ROBO2: variants seen among roughly 807,000 people sequenced by gnomAD.
The protein encoded by ROBO2 is roundabout guidance receptor 2.
In ROBO2, 53 loss-of-function variants were observed where a neutral mutation model predicts 160.8. The observed-to-expected ratio is 0.33, with a 90% CI of 0.26 to 0.41. The LOEUF is 0.41. Ranked by LOEUF, ROBO2 falls within the 10% of genes least tolerant of loss-of-function variation. The pLI, the probability that ROBO2 is intolerant of heterozygous loss-of-function variation, is 1.00. For synonymous variants in ROBO2, 664 were observed against 611.7 expected, an observed-to-expected ratio of 1.09 and a Z score of -1.26; for missense variants, 1,577 against 1,722.4, an observed-to-expected ratio of 0.92 and a Z score of 1.49.
chr3:76,132,995 G>A (rs1015685691), intron 2 of ROBO2, among the ~76,000 whole-genome samples: 6 of 151,984 alleles, frequency 3.9e-5, no homozygotes, highest in Non-Finnish European at 7.4e-5. Context: ...GGCTGCAAAC[G>A]GTCTTGACTC....
In ROBO2 at chr3:77,102,436, C is replaced by T. The variant is rs557232794; in HGVS notation, c.388+4096C>T. ...ATGTCTCCAGACATTGGAAATATTC[C>T]TCAGGAGAGAAAGTCAGTTGAGAAC... On this transcript the variant is annotated intron_variant, in intron 2 of 25. Coordinates refer to ENST00000461745, the Ensembl canonical transcript of ROBO2. Among the ~76,000 whole-genome samples, 134 of 152,254 alleles carry T rather than the reference C, an allele frequency of 8.8e-4. 1 individual carries two copies. The highest frequency in any genetic ancestry group is 2.9e-3 in the African/African-American group (121 of 41,542).
chr3:76,057,142 C>T (rs2067876119), intron 2 of ROBO2, among the ~76,000 whole-genome samples: 1 of 152,132 alleles, frequency 6.6e-6, no homozygotes, highest in African/African-American at 2.4e-5. Flanking sequence ...ACTGTTATCT[C>T]TCACCTTCTA....
chr3:77,514,646 C>T (rs908596950), intron 5 of ROBO2, among the ~76,000 whole-genome samples: 1 of 151,544 alleles, frequency 6.6e-6, no homozygotes, highest in Non-Finnish European at 1.5e-5. Flanking sequence ...TATGTAAAGC[C>T]CTGTTGTACA....
At chr3:76,802,603 C>A (rs1040558148) in intron 2 of ROBO2, among the ~76,000 whole-genome samples, 5 of 151,934 alleles carry the variant, frequency 3.3e-5, no homozygotes, top group African/African-American at 1.2e-4. Context: ...GTGGCGGCAC[C>A]TGTAGTCCCA....
intron 2 of ROBO2, among the ~76,000 whole-genome samples, chr3:76,736,464 T>A (rs1488802408): frequency 6.6e-6 from 1 of 152,140 alleles, no homozygotes; most frequent in Non-Finnish European, 1.5e-5. Context: ...ACATTTGAAA[T>A]GACTTCTTCA....
At chr3:77,646,152 T>C in exon 26 of ROBO2, 3 of 826,966 alleles carry the variant, frequency 3.6e-6, no homozygotes, top group Non-Finnish European at 5.7e-6. Flanking sequence ...AATTTATTTA[T>C]GTACTATTAA....
chr3:76,406,798 T>C (rs2075212120), intron 2 of ROBO2, among the ~76,000 whole-genome samples: 1 of 151,942 alleles, frequency 6.6e-6, no homozygotes. Context: ...GTAGGTCCAG[T>C]CTATTTAGAC....
At chr3:76,785,359 T>C (rs138182140) in intron 2 of ROBO2, among the ~76,000 whole-genome samples, 1 of 151,342 alleles carries the variant, frequency 6.6e-6, no homozygotes, top group Non-Finnish European at 1.5e-5. Flanking sequence ...TTCATTGAAC[T>C]CTTATAGTAC....
chr3:77,142,177 G>A (rs1319057910), intron 2 of ROBO2, among the ~76,000 whole-genome samples: 1 of 151,870 alleles, frequency 6.6e-6, no homozygotes, highest in Non-Finnish European at 1.5e-5. Flanking sequence ...CAAATCCTGA[G>A]GACATCTTTT....
At chr3:76,486,594 T>C (rs2079511442) in intron 2 of ROBO2, among the ~76,000 whole-genome samples, 1 of 152,186 alleles carries the variant, frequency 6.6e-6, no homozygotes, top group South Asian at 2.1e-4. Flanking sequence ...CATATATCTT[T>C]GAAATGTCTT....
At chr3:77,523,286 T>TTTATACTAG (rs2090800884) in intron 6 of ROBO2, among the ~76,000 whole-genome samples, 1 of 151,438 alleles carries the variant, frequency 6.6e-6, no homozygotes, top group African/African-American at 2.4e-5. Flanking sequence ...AGTTTGTCAC[T>TTTATACTAG]TTATACTAGT....
intron 2 of ROBO2, among the ~76,000 whole-genome samples, chr3:76,152,197 A>G (rs986240316): frequency 3.9e-5 from 6 of 152,164 alleles, no homozygotes; most frequent in Admixed American, 2.6e-4. Flanking sequence ...CCATCAGGCT[A>G]TCTCCCTAGT....
At chr3:76,026,539 A>C (rs1441691481) in intron 2 of ROBO2, among the ~76,000 whole-genome samples, 1 of 151,984 alleles carries the variant, frequency 6.6e-6, no homozygotes, top group Non-Finnish European at 1.5e-5. Context: ...AAGAAAAACT[A>C]TCAGATAAAA....
At chr3:77,262,839 G>T (rs2058864066) in intron 2 of ROBO2, among the ~76,000 whole-genome samples, 1 of 152,126 alleles carries the variant, frequency 6.6e-6, no homozygotes, top group South Asian at 2.1e-4. Context: ...GACAGCAGAG[G>T]TTGGATGGCG....
chr3:76,482,221 C>T (rs2079250013), intron 2 of ROBO2, among the ~76,000 whole-genome samples: 1 of 152,058 alleles, frequency 6.6e-6, no homozygotes, highest in Non-Finnish European at 1.5e-5. Flanking sequence ...AGTGTTTTGC[C>T]TCATGGAACA....
intron 7 of ROBO2, 123 bp from the exon 9 acceptor site, chr3:77,550,695 C>G: frequency 2.0e-6 from 2 of 1,022,400 alleles, no homozygotes; most frequent in Non-Finnish European, 3.0e-6. Context: ...ATTTCTGAAC[C>G]ATATATATTT....
At chr3:77,013,965 A>G (rs1050460435) in intron 2 of ROBO2, among the ~76,000 whole-genome samples, 1 of 152,226 alleles carries the variant, frequency 6.6e-6, no homozygotes, top group African/African-American at 2.4e-5. Flanking sequence ...GCTGAATTTT[A>G]GATGGTATAA....
At chr3:76,874,132 A>G (rs1214677498) in intron 2 of ROBO2, among the ~76,000 whole-genome samples, 1 of 152,178 alleles carries the variant, frequency 6.6e-6, no homozygotes, top group African/African-American at 2.4e-5. Flanking sequence ...GAGAAAAGGA[A>G]TTTAAGTGCC....
At chr3:77,094,640 A>G (rs1348057590) in intron 1 of ROBO2, among the ~76,000 whole-genome samples, 2 of 152,176 alleles carry the variant, frequency 1.3e-5, no homozygotes, top group African/African-American at 2.4e-5. Context: ...TATGATTTAA[A>G]TTCACACTAG....
Sources: allele counts gnomAD v4.1 joint callset (sites outside exome capture counted in the v4.1 genomes callset), GRCh38; gene constraint gnomAD v4.1.1; transcripts MANE v1.5; gene names NCBI Gene and HGNC (gene_info 2026-07-23, HGNC 2026-07-21).